The following SUPT3H variants were observed in gnomAD, a reference collection of about 807,000 sequenced individuals.
SUPT3H encodes the protein SPT3 homolog, SAGA and STAGA complex component.
Under a neutral mutation model 44.3 loss-of-function variants are expected in SUPT3H, and 44 were observed. The observed-to-expected ratio is 0.99, with a 90% CI of 0.78 to 1.28. The LOEUF (loss-of-function observed/expected upper bound fraction) is 1.28, where lower values mean the gene tolerates loss of function less well. Among genes scored for constraint, SUPT3H ranks in the 50% most tolerant of loss-of-function variants. The pLI, the probability that SUPT3H is intolerant of heterozygous loss-of-function variation, is 0.00. For missense variants in SUPT3H, 380 were observed against 387.1 expected, an observed-to-expected ratio of 0.98 and a Z score of 0.15; for synonymous variants, 124 against 125.6, an observed-to-expected ratio of 0.99 and a Z score of 0.09.
At chr6:45,106,453 A>G (rs1799290010) in intron 2 of SUPT3H, among the ~76,000 whole-genome samples, 1 of 152,168 alleles carries the variant, frequency 6.6e-6, no homozygotes, top group Non-Finnish European at 1.5e-5. Context: ...AAAGAAAATA[A>G]AAGAAAGTCT....
At chr6:45,176,200 G>C (rs894688687) in intron 2 of SUPT3H, among the ~76,000 whole-genome samples, 1 of 150,940 alleles carries the variant, frequency 6.6e-6, no homozygotes, top group Non-Finnish European at 1.5e-5. Flanking sequence ...GACAGTGGGC[G>C]CAGGTCAGTG....
At chr6:45,187,725 C>A (rs984682970) in intron 2 of SUPT3H, among the ~76,000 whole-genome samples, 16 of 152,106 alleles carry the variant, frequency 1.1e-4, no homozygotes, top group African/African-American at 3.9e-4. Context: ...TACAAAAAGA[C>A]CAAGGCACAA....
At chr6:45,050,278 AGTGTGTGT>A (rs57510967) in intron 3 of SUPT3H, among the ~76,000 whole-genome samples, 144 of 147,418 alleles carry the variant, frequency 9.8e-4, no homozygotes, top group Non-Finnish European at 2.1e-4. Flanking sequence ...CTTTTTCTGC[AGTGTGTGT>A]GTGTGTGTGT....
chr6:44,841,983 A>G (rs1043482049), intron 10 of SUPT3H, among the ~76,000 whole-genome samples: 3 of 152,340 alleles, frequency 2.0e-5, no homozygotes, highest in Admixed American at 2.0e-4. Flanking sequence ...GGTAAGTGCT[A>G]TAAAGACAAA....
intron 10 of SUPT3H, among the ~76,000 whole-genome samples, chr6:44,905,552 A>C (rs1276393737): frequency 1.3e-5 from 2 of 151,750 alleles, no homozygotes; most frequent in Non-Finnish European, 2.9e-5. Flanking sequence ...AGAAACAGGA[A>C]CACTTTTACA....
At chr6:44,919,462 A>AT (rs11412317) in intron 10 of SUPT3H, among the ~76,000 whole-genome samples, 135,238 of 147,336 alleles carry the variant, frequency 0.92, 62,059 homozygotes, top group East Asian at 0.99. Context: ...GCTATAGTGT[A>AT]TTTTTTTTTT....
chr6:44,835,682 T>C (rs955174717), intron 10 of SUPT3H, among the ~76,000 whole-genome samples: 1 of 152,162 alleles, frequency 6.6e-6, no homozygotes, highest in Non-Finnish European at 1.5e-5. Context: ...GGATGGTAGG[T>C]ACATTTCTGA....
chr6:44,924,044 C>T (rs187477943), intron 10 of SUPT3H, among the ~76,000 whole-genome samples: 49 of 152,124 alleles, frequency 3.2e-4, no homozygotes, highest in African/African-American at 1.1e-3. Context: ...CTTTAAGTAG[C>T]TTACAGTGTT....
chr6:45,025,245 T>C (rs889345895), intron 3 of SUPT3H, among the ~76,000 whole-genome samples: 13 of 152,184 alleles, frequency 8.5e-5, no homozygotes, highest in Middle Eastern at 3.2e-3. Flanking sequence ...ATAAGATGTA[T>C]GATTATTTTC....
At chr6:45,287,181 T>C (rs986902849) in intron 2 of SUPT3H, among the ~76,000 whole-genome samples, 1 of 151,996 alleles carries the variant, frequency 6.6e-6, no homozygotes, top group Non-Finnish European at 1.5e-5. Context: ...ACATGGCACA[T>C]GTATACATAT....
chr6:44,813,254 T>A (rs1028043359), intron 11 of SUPT3H, among the ~76,000 whole-genome samples: 8 of 152,192 alleles, frequency 5.3e-5, no homozygotes, highest in Non-Finnish European at 8.8e-5. Flanking sequence ...GGTGCAATCA[T>A]AACTCACAGC....
chr6:45,304,716 A>AT (rs1422459787), intron 2 of SUPT3H, among the ~76,000 whole-genome samples: 21 of 147,780 alleles, frequency 1.4e-4, no homozygotes, highest in Non-Finnish European at 3.0e-4. Flanking sequence ...GGCTTCAATG[A>AT]TTTTTTTCCA....
chr6:44,965,700 C>CAA lies in SUPT3H; in HGVS notation c.505-3874_505-3873dup, dbSNP rs149438028. Among the ~76,000 whole-genome samples, 296 of 149,888 alleles carry CAA rather than the reference C, an allele frequency of 2.0e-3. 1 individual carries two copies. The highest frequency in any genetic ancestry group is 6.7e-3 in the African/African-American group (275 of 40,956). ...TTCCCCCAGAATTGTTTCAAAGATA[C>CAA]AAAAAAAAAGGAACAAATTTTGGCC... On this transcript the variant is annotated intron_variant, in intron 6 of 10. Transcript: ENST00000371459.
chr6:45,349,159 C>T (rs1791522954), intron 2 of SUPT3H, among the ~76,000 whole-genome samples: 1 of 152,102 alleles, frequency 6.6e-6, no homozygotes, highest in Non-Finnish European at 1.5e-5. Flanking sequence ...CTAGGGACAA[C>T]TACACTAGAG....
chr6:45,120,834 T>C (rs1453397652), intron 2 of SUPT3H, among the ~76,000 whole-genome samples: 1 of 152,174 alleles, frequency 6.6e-6, no homozygotes, highest in Non-Finnish European at 1.5e-5. Flanking sequence ...ATAAATCACA[T>C]AGAAATTTCT....
At chr6:45,275,609 C>G (rs1398212423) in intron 2 of SUPT3H, among the ~76,000 whole-genome samples, 2 of 151,988 alleles carry the variant, frequency 1.3e-5, no homozygotes, top group African/African-American at 4.8e-5. Context: ...GAAAATTCCA[C>G]TGGAGGAAAA....
intron 2 of SUPT3H, among the ~76,000 whole-genome samples, chr6:45,221,335 C>T (rs1034228689): frequency 2.0e-5 from 3 of 152,162 alleles, no homozygotes; most frequent in Non-Finnish European, 2.9e-5. Flanking sequence ...CACACCTGCA[C>T]GTTGTGCACA....
intron 1 of SUPT3H, among the ~76,000 whole-genome samples, chr6:45,367,662 A>G (rs1204586684): frequency 6.6e-6 from 1 of 152,188 alleles, no homozygotes; most frequent in African/African-American, 2.4e-5. Flanking sequence ...TAGTAACCCC[A>G]GCCTCCAGAA....
chr6:45,131,954 T>C (rs763408522), intron 2 of SUPT3H, among the ~76,000 whole-genome samples: 8 of 152,176 alleles, frequency 5.3e-5, no homozygotes, highest in Non-Finnish European at 7.3e-5. Context: ...TAAACATACA[T>C]TGTTTTTCCT....
Sources: gnomAD v4.1 joint callset for allele counts (sites outside exome capture counted in the v4.1 genomes callset) on GRCh38, gnomAD v4.1.1 for gene constraint, MANE v1.5 for transcripts, NCBI Gene and HGNC (gene_info 2026-07-23, HGNC 2026-07-21) for gene names.